Variants in KAT6A observed in about 807,000 individuals in gnomAD.
KAT6A encodes lysine acetyltransferase 6A.
Under a neutral mutation model 198.4 loss-of-function variants are expected in KAT6A, and 9 were observed. The observed-to-expected ratio is 0.05, with a 90% CI of 0.03 to 0.08. KAT6A has a LOEUF of 0.08. Ranked by LOEUF, KAT6A falls within the 10% of genes least tolerant of loss-of-function variation. The pLI, the probability that KAT6A is intolerant of heterozygous loss-of-function variation, is 1.00. For synonymous variants in KAT6A, 890 were observed against 883.0 expected, an observed-to-expected ratio of 1.01 and a Z score of -0.14; for missense variants, 2,077 against 2,509.9, an observed-to-expected ratio of 0.83 and a Z score of 3.69.
At chr8:42,039,325 C>A (rs1262051142) in intron 2 of KAT6A, among the ~76,000 whole-genome samples, 1 of 152,180 alleles carries the variant, frequency 6.6e-6, no homozygotes, top group Non-Finnish European at 1.5e-5. Context: ...GAAACACTCT[C>A]CAGGTCACCA....
intron 2 of KAT6A, among the ~76,000 whole-genome samples, chr8:42,045,989 A>C (rs545072919): frequency 6.6e-5 from 10 of 152,160 alleles, no homozygotes; most frequent in African/African-American, 2.4e-4. Flanking sequence ...TACTGAATTA[A>C]ACTTTTCTTA....
chr8:41,987,319 A>G (rs959475101), intron 3 of KAT6A, 136 bp downstream of exon 3: 1 of 623,318 alleles, frequency 1.6e-6, no homozygotes, highest in African/African-American at 1.8e-5. Context: ...CATGTTTCTC[A>G]GAACTTATCC....
chr8:41,965,328 TAA>T (rs1377373770), intron 8 of KAT6A, among the ~76,000 whole-genome samples: 1 of 152,208 alleles, frequency 6.6e-6, no homozygotes, highest in Non-Finnish European at 1.5e-5. Context: ...TCCAACTGTT[TAA>T]AAATATTAAA....
intron 8 of KAT6A, among the ~76,000 whole-genome samples, chr8:41,971,361 G>A (rs564106424): frequency 1.3e-5 from 2 of 152,190 alleles, no homozygotes; most frequent in African/African-American, 2.4e-5. Flanking sequence ...ACAATGGGCT[G>A]TAAGCTATTT....
chr8:41,941,263 C>T lies in KAT6A; in HGVS notation c.2618G>A (p.Arg873Lys). The part of the protein sequence containing the change: ...SRRGRWGRKN[R>K]KTQERFGDKD... ...ATCACCAAAACGTTCCTGGGTTTTT[C>T]TGTTCTTCCTCCCCCAGCGGCCCCT... The change falls in exon 15 of 17, where the codon AGA (arginine) becomes AAA (lysine). Residue 873 changes from arginine (R) to lysine (K), a missense_variant. By Grantham distance (26) the Arg-to-Lys change is conservative (BLOSUM62 2). Transcript: ENST00000265713. 1 of 1,614,108 alleles carries T rather than the reference C, an allele frequency of 6.2e-7. No homozygotes were observed. Among genetic ancestry groups the T allele is most frequent in the Non-Finnish European group, 8.5e-7 (1 of 1,180,024 alleles).
At chr8:41,976,266 C>A (rs1824047084) in intron 7 of KAT6A, among the ~76,000 whole-genome samples, 1 of 152,188 alleles carries the variant, frequency 6.6e-6, no homozygotes, top group Non-Finnish European at 1.5e-5. Context: ...TCTCATTCTA[C>A]TTTCTTCAAG....
At chr8:41,943,476 A>C (rs1186737592) in intron 13 of KAT6A, among the ~76,000 whole-genome samples, 1 of 152,162 alleles carries the variant, frequency 6.6e-6, no homozygotes, top group African/African-American at 2.4e-5. Context: ...AAGAGCTCCC[A>C]ATACTAGAAG....
intron 4 of KAT6A, 147 bp from the exon 5 acceptor site, chr8:41,981,074 C>A: frequency 1.6e-6 from 1 of 626,974 alleles, no homozygotes; most frequent in Non-Finnish European, 2.9e-6. Flanking sequence ...AATCCCAACA[C>A]TCTGGGAGGT....
At chr8:41,935,532 GAAAT>G (rs1387935496) in intron 16 of KAT6A, among the ~76,000 whole-genome samples, 2 of 152,026 alleles carry the variant, frequency 1.3e-5, no homozygotes, top group Non-Finnish European at 2.9e-5. Flanking sequence ...ACATTCATTA[GAAAT>G]AAATTTTATA....
intron 2 of KAT6A, among the ~76,000 whole-genome samples, chr8:42,025,063 C>T (rs575180613): frequency 6.6e-6 from 1 of 152,130 alleles, no homozygotes; most frequent in South Asian, 2.1e-4. Flanking sequence ...ATTCTCACAA[C>T]GATGTATAAG....
chr8:41,989,528 A>AACATG (rs1824809776), intron 2 of KAT6A, among the ~76,000 whole-genome samples: 1 of 149,500 alleles, frequency 6.7e-6, no homozygotes, highest in African/African-American at 2.5e-5. Flanking sequence ...AACATAACGT[A>AACATG]ACGTGACGTG....
Position 41,977,270 on chromosome 8 carries a change from T to G in KAT6A, c.1101A>C (p.Lys367Asn), listed in dbSNP as rs1458257558. 1.2e-6 allele frequency: 2 copies of G among 1,614,136 alleles called. No individual in the cohort carries two copies. The highest frequency in any genetic ancestry group is 1.7e-6 in the Non-Finnish European group (2 of 1,179,998). The change falls in exon 7 of 17, where the codon AAA becomes AAC. Residue 367 changes from lysine to asparagine, a missense_variant. Physicochemically the swap from Lys to Asn is moderately conservative, Grantham distance 94. Around this residue, in one of 13 missense-constraint regions of KAT6A, gnomAD observed 206 missense variants for 214.9 expected, o/e 0.96. Transcript: ENST00000265713. ...RTGPGRGRKRKITLSSQSASS... is the reference protein window; with the variant it reads ...RTGPGRGRKRNITLSSQSASS... ...ATGCTGATTGGCTGGAAAGAGTGAT[T>G]TTTCGTTTCCTACCCCTTCCAGGGC... is the stretch of plus-strand genomic sequence containing the variant.
chr8:41,935,398 G>A (rs1379074980), intron 16 of KAT6A, among the ~76,000 whole-genome samples: 4 of 152,024 alleles, frequency 2.6e-5, no homozygotes, highest in African/African-American at 9.7e-5. Context: ...CTGAGCCATC[G>A]TATGTGAACA....
At chr8:41,970,187 G>C (rs1823715917) in intron 8 of KAT6A, among the ~76,000 whole-genome samples, 1 of 152,186 alleles carries the variant, frequency 6.6e-6, no homozygotes. Context: ...CAAGGCAGGT[G>C]CATGATGCTA....
At chr8:41,986,683 C>G (rs1824622753) in intron 3 of KAT6A, among the ~76,000 whole-genome samples, 1 of 152,106 alleles carries the variant, frequency 6.6e-6, no homozygotes, top group African/African-American at 2.4e-5. Context: ...TCTCAGTCAC[C>G]TAAAACCATA....
At chr8:41,952,136 A>C (rs760664513) in intron 9 of KAT6A, among the ~76,000 whole-genome samples, 48 of 152,312 alleles carry the variant, frequency 3.2e-4, no homozygotes, top group Non-Finnish European at 5.4e-4. Context: ...TTCTTCCATC[A>C]ATTTTACTCA....
intron 5 of KAT6A, 147 bp downstream of exon 5, chr8:41,980,699 A>G (rs973981046): frequency 1.7e-5 from 11 of 655,804 alleles, no homozygotes; most frequent in Non-Finnish European, 3.0e-5. Context: ...CTATCCCCCC[A>G]CCTTTTAAGG....
intron 2 of KAT6A, among the ~76,000 whole-genome samples, chr8:42,036,363 C>T (rs953478801): frequency 2.0e-5 from 3 of 152,090 alleles, no homozygotes; most frequent in Non-Finnish European, 2.9e-5. Flanking sequence ...GTAATCCCAG[C>T]ACTTTGGGAG....
chr8:41,952,130 T>C (rs1327691477), intron 9 of KAT6A, among the ~76,000 whole-genome samples: 2 of 152,224 alleles, frequency 1.3e-5, no homozygotes, highest in Non-Finnish European at 2.9e-5. Flanking sequence ...GTATTCTTCT[T>C]CCATCAATTT....
Sources: gnomAD v4.1 joint callset for allele counts (sites outside exome capture counted in the v4.1 genomes callset) on GRCh38, gnomAD v4.1.1 for gene constraint, gnomAD v4.1.1 regional missense constraint, MANE v1.5 for transcripts, NCBI Gene and HGNC (gene_info 2026-07-23, HGNC 2026-07-21) for gene names.